Variants in NUP107 observed in about 807,000 individuals in gnomAD.
The protein encoded by NUP107 is nucleoporin 107.
NUP107 carries 101 observed loss-of-function variants against 141.0 expected under a neutral mutation model. The observed-to-expected ratio is 0.72, with a 90% CI of 0.61 to 0.84. NUP107 has a LOEUF of 0.84. NUP107 is among the 40% of genes least tolerant of loss of function. NUP107 has a pLI of 0.00. For synonymous variants in NUP107, 319 were observed against 363.9 expected (o/e 0.88, Z 1.41); for missense variants, 941 against 1,102.7 (o/e 0.85, Z 2.08).
chr12:68,699,375 CAAAAT>C lies in NUP107; in HGVS notation c.553-1336_553-1332del, dbSNP rs552029790. ...GCAACAGAGTGAGACTCCTCCGTCT[CAAAAT>C]AAAATAAAATAAAACTACACTAAAG... On this transcript the variant is annotated intron_variant, in intron 6 of 27. Coordinates refer to ENST00000229179, the MANE Select transcript of NUP107 (RefSeq NM_020401.4). Among the ~76,000 whole-genome samples, 290 of 151,658 alleles carry C rather than the reference CAAAAT, an allele frequency of 1.9e-3. 1 individual carries two copies. The highest frequency in any genetic ancestry group is 6.4e-3 in the African/African-American group (266 of 41,324).
At position 68,735,216 on chromosome 12, in the gene NUP107, G is replaced by A; in HGVS notation, c.2389-15G>A. On this transcript the variant is annotated splice_polypyrimidine_tract_variant and intron_variant, in intron 25 of 27. Coordinates refer to ENST00000229179, the MANE Select transcript of NUP107 (RefSeq NM_020401.4). ...GTTTTATCCATTATATGTCTGCCTT[G>A]TGTTTGTTTTGCAGATGGATTTTGG... 2.0e-6 allele frequency: 3 copies of A among 1,513,244 alleles called. No homozygotes were observed. The highest frequency in any genetic ancestry group is 1.8e-6 in the Non-Finnish European group (2 of 1,088,220). 93.7% of individuals were successfully genotyped at this position (1,513,244 alleles called of 1,614,324 possible).
chr12:68,699,780 A>T (rs1445281141), intron 6 of NUP107, among the ~76,000 whole-genome samples: 1 of 151,960 alleles, frequency 6.6e-6, no homozygotes, highest in Admixed American at 6.6e-5. Context: ...TTTGAGAAAG[A>T]TTTTCTTTAC....
At chr12:68,699,339 C>T (rs546888190) in intron 6 of NUP107, among the ~76,000 whole-genome samples, 1 of 152,216 alleles carries the variant, frequency 6.6e-6, no homozygotes, top group South Asian at 2.1e-4. Flanking sequence ...TGCCACTGCA[C>T]TCCATCCTAG....
At chr12:68,728,867 A>G (rs1260878816) in intron 20 of NUP107, among the ~76,000 whole-genome samples, 2 of 152,170 alleles carry the variant, frequency 1.3e-5, no homozygotes, top group African/African-American at 4.8e-5. Flanking sequence ...GTCTGTTTAC[A>G]AGATGAATTG....
intron 8 of NUP107, among the ~76,000 whole-genome samples, chr12:68,703,116 GATT>G (rs1469782706): frequency 1.3e-5 from 2 of 152,126 alleles, no homozygotes; most frequent in African/African-American, 4.8e-5. Flanking sequence ...AAAGTGGTGG[GATT>G]ACAGGCATGA....
chr12:68,715,903 A>G (rs1490210930), intron 12 of NUP107, among the ~76,000 whole-genome samples, 163 bp downstream of exon 12: 1 of 152,252 alleles, frequency 6.6e-6, no homozygotes, highest in Non-Finnish European at 1.5e-5. Context: ...GATAAGGCAC[A>G]TGTAACTTGA....
rs1442879249 is a variant in NUP107, at chr12:68,734,788, T to A, written c.2343T>A (p.Thr781=). Residue 781 remains threonine (T), a synonymous_variant, in exon 25 of 28, where the codon ACT becomes ACA. Coordinates refer to ENST00000229179, the MANE Select transcript of NUP107 (RefSeq NM_020401.4). ...AACCTGCTTTGATACCTCAACCAAC[T>A]TTTACTGAGAAAGTGGCTCATGAAC... is the stretch of plus-strand genomic sequence containing the variant. ...PQKPALIPQP[T]FTEKVAHEHK... 1.2e-6 allele frequency: 2 copies of A among 1,613,530 alleles called. No homozygotes were observed. The highest frequency in any genetic ancestry group is 2.7e-5 in the African/African-American group (2 of 74,888).
chr12:68,706,451 C>T, intron 8 of NUP107: 1 of 745,954 alleles, frequency 1.3e-6, no homozygotes, highest in Non-Finnish European at 2.4e-6. Flanking sequence ...GATCGCCAAC[C>T]ACAACCAGGC....
At chr12:68,737,051 G>GT (rs1878105545) in intron 26 of NUP107, among the ~76,000 whole-genome samples, 1 of 152,034 alleles carries the variant, frequency 6.6e-6, no homozygotes, top group Non-Finnish European at 1.5e-5. Flanking sequence ...CCTTTGACTC[G>GT]TTTTAAACCT....
At position 68,713,828 on chromosome 12, in the gene NUP107, A is replaced by G; in HGVS notation, c.969+20A>G. On this transcript the variant is annotated intron_variant, in intron 11 of 27. Transcript: ENST00000229179. ...GAATTGGTAAATGTTCTTTGAAATG[A>G]AAGTTGCCTTCAAAGTTAACTGATT... 6.3e-7 allele frequency: 1 copy of G among 1,576,358 alleles called. No individual in the cohort carries two copies. The highest frequency in any genetic ancestry group is 1.2e-5 in the South Asian group (1 of 84,830).
intron 8 of NUP107, chr12:68,707,043 C>T: frequency 1.7e-6 from 1 of 595,060 alleles, no homozygotes; most frequent in Non-Finnish European, 3.0e-6. Flanking sequence ...AAGCTAGTGT[C>T]TGAGTCGTCT....
In NUP107 at chr12:68,726,551, T is replaced by C. The variant is rs1877572048; in HGVS notation, c.1629T>C (p.Pro543=). 6.2e-7 allele frequency: 1 copy of C among 1,614,088 alleles called. No individual in the cohort carries two copies. The highest frequency in any genetic ancestry group is 1.1e-5 in the South Asian group (1 of 91,080). ...TTTCCAAAAGCAGAAACAATCTACC[T>C]GGACACCTGCTTCGCTTTATGACTC... ...KWLSKSRNNL[P]GHLLRFMTHL... is the part of the protein sequence containing the mutation. Residue 543 remains proline, a synonymous_variant, in exon 19 of 28, where the codon CCT becomes CCC. Coordinates refer to ENST00000229179, the MANE Select transcript of NUP107 (RefSeq NM_020401.4).
intron 26 of NUP107, among the ~76,000 whole-genome samples, chr12:68,739,217 C>A (rs1878214061): frequency 6.6e-6 from 1 of 152,172 alleles, no homozygotes; most frequent in African/African-American, 2.4e-5. Flanking sequence ...ACACCTGTCC[C>A]TTTTAATCTC....
chr12:68,742,657 A>T lies in NUP107; in HGVS notation c.*195A>T, dbSNP rs1178590646. On this transcript the variant is annotated 3_prime_UTR_variant, in exon 28 of 28. Transcript: ENST00000229179. ...TCTCTGTGTGCTTGTTAATAAAACT[A>T]TATAAAAATTAAAATTTTCTGTTTT... The T allele has an allele frequency of 6.9e-6, 2 of 291,760 alleles. No homozygotes were observed. Among genetic ancestry groups the T allele is most frequent in the Non-Finnish European group, 1.3e-5 (2 of 159,500 alleles). 18.1% of individuals were successfully genotyped at this position (291,760 alleles called of 1,614,324 possible).
At chr12:68,704,014 C>T (rs7301468) in intron 8 of NUP107, among the ~76,000 whole-genome samples, 39,866 of 151,994 alleles carry the variant, frequency 0.26, 6,172 homozygotes, top group Non-Finnish European at 0.34. Context: ...TTCAAGGCTA[C>T]GGTGAGCTAC....
chr12:68,719,963 C>T (rs1480196445), intron 14 of NUP107, among the ~76,000 whole-genome samples: 2 of 152,088 alleles, frequency 1.3e-5, no homozygotes, highest in Non-Finnish European at 2.9e-5. Flanking sequence ...GTAGGATTTG[C>T]GTTGTTGAGA....
chr12:68,732,585 TAA>T, intron 22 of NUP107, 50 bp from the exon 23 acceptor site: 2 of 974,846 alleles, frequency 2.1e-6, no homozygotes, highest in South Asian at 3.5e-5. Context: ...AGAATATCTT[TAA>T]AAAAAAAACT....
chr12:68,733,555 A>G lies in NUP107; in HGVS notation c.2205A>G (p.Pro735=). The part of the protein sequence containing the change: ...NQCEEQGMES[P]LPAEDDNAIR... ...GCGAGGAACAAGGAATGGAAAGTCC[A>G]CTTCCTGCTGAAGATGATAATGCTA... The change falls in exon 24 of 28, where the codon CCA becomes CCG. Residue 735 remains proline (P), a synonymous_variant. Coordinates refer to ENST00000229179, the MANE Select transcript of NUP107 (RefSeq NM_020401.4). The G allele has an allele frequency of 6.2e-7, 1 of 1,613,248 alleles. No homozygotes were observed. Among genetic ancestry groups the G allele is most frequent in the Non-Finnish European group, 8.5e-7 (1 of 1,179,462 alleles).
Position 68,711,617 on chromosome 12 carries a change from G to A in NUP107, c.890+1524G>A, listed in dbSNP as rs141563085. Among the ~76,000 whole-genome samples the A allele has an allele frequency of 1.8e-3, 275 of 152,130 alleles. 3 individuals carry two copies. Among genetic ancestry groups the A allele is most frequent in the African/African-American group, 6.1e-3 (253 of 41,514 alleles). The stretch of plus-strand genomic sequence containing the variant: ...AAATTGAAGAGAAGGCTTTTCTAAG[G>A]TAGTAAGAGACTTTTATGAAATAAA... On this transcript the variant is annotated intron_variant, in intron 10 of 27. Transcript: ENST00000229179.
Sources: allele counts gnomAD v4.1 joint callset (sites outside exome capture counted in the v4.1 genomes callset), GRCh38; gene constraint gnomAD v4.1.1; transcripts MANE v1.5; gene names NCBI Gene and HGNC (gene_info 2026-07-23, HGNC 2026-07-21).